STPG2: variants seen among roughly 807,000 people sequenced by gnomAD.
STPG2 encodes sperm-tail PG-rich repeat-containing protein 2.
STPG2 carries 56 observed loss-of-function variants against 54.2 expected under a neutral mutation model. The observed-to-expected ratio is 1.03, with a 90% CI of 0.83 to 1.29. STPG2 has a LOEUF of 1.29. Among genes scored for constraint, STPG2 ranks in the 50% most tolerant of loss-of-function variants. STPG2 has a pLI of 0.00. For synonymous variants in STPG2, 200 were observed against 181.8 expected (o/e 1.10, Z -0.81); for missense variants, 596 against 544.9 (o/e 1.09, Z -0.93).
At chr4:97,740,033 T>C (rs1439175344) in intron 9 of STPG2, among the ~76,000 whole-genome samples, 1 of 152,060 alleles carries the variant, frequency 6.6e-6, no homozygotes, top group Non-Finnish European at 1.5e-5. Flanking sequence ...GTGGGCTTCA[T>C]CCCTGGGATG....
intron 5 of STPG2, among the ~76,000 whole-genome samples, chr4:98,085,286 T>G (rs2110120205): frequency 6.6e-6 from 1 of 152,222 alleles, no homozygotes; most frequent in South Asian, 2.1e-4. Flanking sequence ...TAATTTTTAC[T>G]GTCTATATGT....
chr4:98,071,171 A>G (rs182329933), intron 5 of STPG2, among the ~76,000 whole-genome samples: 9 of 152,314 alleles, frequency 5.9e-5, no homozygotes, highest in Admixed American at 5.2e-4. Flanking sequence ...AAACTATACT[A>G]CAAGACTACA....
chr4:97,862,724 T>A (rs920143259), intron 8 of STPG2, among the ~76,000 whole-genome samples: 31 of 151,946 alleles, frequency 2.0e-4, no homozygotes, highest in African/African-American at 5.3e-4. Context: ...AATGTAAAAG[T>A]ACAGAAATTA....
chr4:98,052,377 G>C (rs976555681), intron 5 of STPG2, among the ~76,000 whole-genome samples: 3 of 152,044 alleles, frequency 2.0e-5, no homozygotes, highest in African/African-American at 4.8e-5. Context: ...TAGCTCATTA[G>C]TTTTTTTCAT....
intron 5 of STPG2, among the ~76,000 whole-genome samples, chr4:97,993,972 CT>C (rs1184140283): frequency 1.3e-5 from 2 of 151,976 alleles, no homozygotes; most frequent in Non-Finnish European, 2.9e-5. Context: ...TGGATCTTCT[CT>C]CTTCATTTCT....
At chr4:97,715,657 T>C (rs1389682977) in intron 9 of STPG2, among the ~76,000 whole-genome samples, 1 of 152,140 alleles carries the variant, frequency 6.6e-6, no homozygotes, top group Non-Finnish European at 1.5e-5. Context: ...AATGTAATCA[T>C]TCTTACTATG....
chr4:97,460,190 C>T (rs1444234825), intron 4 of STPG2, among the ~76,000 whole-genome samples: 1 of 152,162 alleles, frequency 6.6e-6, no homozygotes, highest in Non-Finnish European at 1.5e-5. Context: ...TATTATATCC[C>T]TTTATACTCA....
At chr4:97,822,484 C>G (rs1578594643) in intron 9 of STPG2, among the ~76,000 whole-genome samples, 1 of 152,308 alleles carries the variant, frequency 6.6e-6, no homozygotes, top group South Asian at 2.1e-4. Context: ...TAAAGGTTAT[C>G]TTTATAGCAA....
intron 10 of STPG2, among the ~76,000 whole-genome samples, chr4:97,606,400 G>A (rs151318833): frequency 1.3e-5 from 2 of 151,888 alleles, no homozygotes; most frequent in African/African-American, 2.4e-5. Flanking sequence ...AATCCTATAA[G>A]TGGTACTCTC....
At chr4:97,484,106 G>T (rs1730294371) in intron 4 of STPG2, among the ~76,000 whole-genome samples, 1 of 151,540 alleles carries the variant, frequency 6.6e-6, no homozygotes. Flanking sequence ...AGCCCCAAAT[G>T]CCTCCATTAA....
At chr4:97,686,593 T>C (rs1361555212) in intron 10 of STPG2, among the ~76,000 whole-genome samples, 2 of 152,132 alleles carry the variant, frequency 1.3e-5, no homozygotes, top group East Asian at 3.9e-4. Context: ...ATTCTCAAGT[T>C]GTAATGAGTA....
At chr4:97,677,957 AT>A (rs1366333592) in intron 10 of STPG2, among the ~76,000 whole-genome samples, 9 of 152,316 alleles carry the variant, frequency 5.9e-5, no homozygotes, top group African/African-American at 2.2e-4. Context: ...AATTGCATGT[AT>A]AAATTGTTTT....
chr4:97,981,248 G>C lies in STPG2; in HGVS notation c.683C>G (p.Ser228Cys). 2 of 1,613,978 alleles carry C rather than the reference G, an allele frequency of 1.2e-6. No homozygotes were observed. The highest frequency in any genetic ancestry group is 1.7e-6 in the Non-Finnish European group (2 of 1,179,950). Residue 228 changes from serine to cysteine, a missense_variant, in exon 6 of 11, where the codon TCT becomes TGT. Physicochemically the swap from Ser to Cys is moderately radical, Grantham distance 112. Transcript: ENST00000295268. ...TYNEPRTALKSLKKTSGLKNI... is the reference protein window; with the variant it reads ...TYNEPRTALKCLKKTSGLKNI... Reference sequence around the variant, plus strand: ...TTTCAGTCCTGATGTTTTCTTCAAAGACTTGAGAGCAGTTCGAGGTTCATT... The same window carrying C: ...TTTCAGTCCTGATGTTTTCTTCAAACACTTGAGAGCAGTTCGAGGTTCATT...
chr4:97,700,399 A>G (rs529846508), intron 10 of STPG2, among the ~76,000 whole-genome samples: 14 of 152,316 alleles, frequency 9.2e-5, no homozygotes, highest in Middle Eastern at 3.4e-3. Flanking sequence ...CAAAATCCCA[A>G]TAGGTGCAGT....
chr4:97,574,531 C>T (rs1460401637), intron 10 of STPG2, among the ~76,000 whole-genome samples: 1 of 151,896 alleles, frequency 6.6e-6, no homozygotes, highest in Non-Finnish European at 1.5e-5. Context: ...TGTTCAGATT[C>T]TTTTTGGCAT....
At chr4:97,609,281 G>T (rs763114367) in intron 10 of STPG2, among the ~76,000 whole-genome samples, 5 of 152,008 alleles carry the variant, frequency 3.3e-5, no homozygotes, top group African/African-American at 9.6e-5. Flanking sequence ...TACCTACTCC[G>T]GTAGTGGAAG....
chr4:98,130,285 C>T (rs1374537689), intron 2 of STPG2, among the ~76,000 whole-genome samples: 1 of 152,074 alleles, frequency 6.6e-6, no homozygotes, highest in Non-Finnish European at 1.5e-5. Context: ...AAGTGATTCT[C>T]GTGCCTCAGC....
At position 97,980,660 on chromosome 4, in the gene STPG2, C is replaced by T. The variant is rs535514790; in HGVS notation, c.772+499G>A. 1.8e-4 allele frequency among the ~76,000 whole-genome samples: 27 copies of T among 152,176 alleles called. 1 individual carries two copies. In the South Asian group the frequency reaches 5.2e-3, roughly 29 times the overall value. On this transcript the variant is annotated intron_variant, in intron 6 of 10. Coordinates refer to ENST00000295268, the MANE Select transcript of STPG2 (RefSeq NM_174952.3). ...TAATAGAAAAGCCTGTTGTTTTAAG[C>T]GACTAAGATTGTTGAACAGCAATAG...
intron 5 of STPG2, among the ~76,000 whole-genome samples, chr4:98,001,920 C>T (rs1187330750): frequency 1.3e-5 from 2 of 152,062 alleles, no homozygotes; most frequent in Non-Finnish European, 2.9e-5. Flanking sequence ...CCACCAGATT[C>T]CCCACTTAGC....
Sources: gnomAD v4.1 joint callset for allele counts (sites outside exome capture counted in the v4.1 genomes callset) on GRCh38, gnomAD v4.1.1 for gene constraint, MANE v1.5 for transcripts, NCBI Gene and HGNC (gene_info 2026-07-23, HGNC 2026-07-21) for gene names.